The following SPIDR variants were observed in gnomAD, a reference collection of about 807,000 sequenced individuals.
SPIDR encodes DNA repair-scaffolding protein.
A neutral mutation model predicts 104.6 loss-of-function variants in SPIDR; 93 were observed. That is an observed-to-expected ratio of 0.89 (90% CI 0.75 to 1.06). SPIDR has a LOEUF of 1.06. Ranked by LOEUF, SPIDR falls within the 50% of genes least tolerant of loss-of-function variation. SPIDR has a pLI of 0.00. For synonymous variants in SPIDR, 431 were observed against 416.9 expected (o/e 1.03, Z -0.41); for missense variants, 1,154 against 1,111.2 (o/e 1.04, Z -0.55).
In SPIDR at chr8:47,274,491, C is replaced by T. The variant is rs993267029; in HGVS notation, c.34-5371C>T. 1.2e-4 allele frequency among the ~76,000 whole-genome samples: 18 copies of T among 152,020 alleles called. No homozygotes were observed. In the South Asian group the frequency reaches 1.7e-3, roughly 14 times the overall value. On this transcript the variant is annotated intron_variant, in intron 1 of 19. Coordinates refer to ENST00000297423, the MANE Select transcript of SPIDR (RefSeq NM_001080394.4). ...GAAGTAAAATTGTAAAGTTCCTGCA[C>T]GTTTTAAAAATATCTTTTATTTTTT...
intron 10 of SPIDR, among the ~76,000 whole-genome samples, chr8:47,601,215 G>C (rs181493729): frequency 6.6e-6 from 1 of 152,350 alleles, no homozygotes; most frequent in African/African-American, 2.4e-5. Context: ...TATGCATTCT[G>C]TGTGATGCAT....
intron 10 of SPIDR, among the ~76,000 whole-genome samples, chr8:47,645,713 C>T (rs775807386): frequency 6.6e-6 from 1 of 151,956 alleles, no homozygotes; most frequent in Non-Finnish European, 1.5e-5. Flanking sequence ...CAAATATATA[C>T]AGGAACTTAG....
chr8:47,638,994 G>A (rs1417650260), intron 10 of SPIDR, among the ~76,000 whole-genome samples: 1 of 152,180 alleles, frequency 6.6e-6, no homozygotes, highest in African/African-American at 2.4e-5. Context: ...TGTGATGATG[G>A]TATTGAAAGA....
chr8:47,559,994 T>C (rs1244145268), intron 8 of SPIDR, among the ~76,000 whole-genome samples: 2 of 152,204 alleles, frequency 1.3e-5, no homozygotes, highest in Non-Finnish European at 2.9e-5. Context: ...CAGACATAGA[T>C]ACCCTAAAAT....
chr8:47,666,068 G>A (rs538073455), intron 10 of SPIDR, among the ~76,000 whole-genome samples: 6 of 152,074 alleles, frequency 3.9e-5, no homozygotes, highest in South Asian at 2.1e-4. Context: ...GTGTTTGAAA[G>A]GTTGATTAAC....
At chr8:47,645,552 T>C (rs918845713) in intron 10 of SPIDR, among the ~76,000 whole-genome samples, 1 of 152,188 alleles carries the variant, frequency 6.6e-6, no homozygotes, top group Non-Finnish European at 1.5e-5. Flanking sequence ...GAAGGAATTA[T>C]CTTCTCTAGT....
intron 10 of SPIDR, among the ~76,000 whole-genome samples, chr8:47,653,692 T>C (rs1442469524): frequency 6.6e-6 from 1 of 152,164 alleles, no homozygotes; most frequent in African/African-American, 2.4e-5. Flanking sequence ...CTCAACTTGG[T>C]GTAACAAACA....
intron 7 of SPIDR, among the ~76,000 whole-genome samples, chr8:47,437,283 C>G (rs1432040056): frequency 7.8e-6 from 1 of 127,480 alleles, no homozygotes; most frequent in East Asian, 2.3e-4. Flanking sequence ...GTGATATTCC[C>G]CTTCCTGTGT....
At chr8:47,421,986 G>A (rs1588502391) in intron 7 of SPIDR, among the ~76,000 whole-genome samples, 1 of 152,214 alleles carries the variant, frequency 6.6e-6, no homozygotes, top group East Asian at 1.9e-4. Flanking sequence ...TCTCAGAGGA[G>A]TACCTGGCTG....
At chr8:47,278,321 A>AT (rs1293830434) in intron 1 of SPIDR, among the ~76,000 whole-genome samples, 3,351 of 137,810 alleles carry the variant, frequency 0.024, 107 homozygotes, top group African/African-American at 0.074. Flanking sequence ...ACACCCAGCT[A>AT]TTTTTTTTTT....
chr8:47,323,841 ACACCTT>A (rs2047212175), intron 5 of SPIDR, among the ~76,000 whole-genome samples: 1 of 152,142 alleles, frequency 6.6e-6, no homozygotes. Flanking sequence ...GAACCCATGG[ACACCTT>A]TATTTACGAA....
chr8:47,329,611 C>A (rs1162410978), intron 5 of SPIDR, among the ~76,000 whole-genome samples: 1 of 152,172 alleles, frequency 6.6e-6, no homozygotes, highest in Admixed American at 6.5e-5. Context: ...GCCAGTCACG[C>A]ATAGAAACAT....
rs558915134 is a variant in SPIDR, at chr8:47,537,556, G to A, written c.1098-58255G>A. ...AAAGATCCATGGGGTTTAGAGGGAG[G>A]GAGAGATGAATAGGTGGTGGACAGG... On this transcript the variant is annotated intron_variant, in intron 8 of 19. Transcript: ENST00000297423. 2.4e-4 allele frequency among the ~76,000 whole-genome samples: 36 copies of A among 152,278 alleles called. No individual in the cohort carries two copies. In the South Asian group the frequency reaches 6.0e-3, roughly 25 times the overall value.
At chr8:47,389,699 A>AG (rs2060354014) in intron 5 of SPIDR, among the ~76,000 whole-genome samples, 1 of 151,460 alleles carries the variant, frequency 6.6e-6, no homozygotes, top group Non-Finnish European at 1.5e-5. Context: ...AAAAAAAAAA[A>AG]AAAAAAAAAA....
chr8:47,327,559 C>G (rs1401508849), intron 5 of SPIDR, among the ~76,000 whole-genome samples: 2 of 152,058 alleles, frequency 1.3e-5, no homozygotes, highest in Non-Finnish European at 2.9e-5. Flanking sequence ...CACCAGCACA[C>G]TTGGCTAATT....
At chr8:47,335,097 C>G (rs1342175218) in intron 5 of SPIDR, among the ~76,000 whole-genome samples, 1 of 152,120 alleles carries the variant, frequency 6.6e-6, no homozygotes, top group Non-Finnish European at 1.5e-5. Context: ...CATATAAGAG[C>G]ATACATAATT....
chr8:47,405,281 C>T (rs2062573829), intron 6 of SPIDR, among the ~76,000 whole-genome samples: 1 of 147,758 alleles, frequency 6.8e-6, no homozygotes, highest in African/African-American at 2.6e-5. Context: ...TGCAGCACAC[C>T]AACATGGCAC....
intron 5 of SPIDR, among the ~76,000 whole-genome samples, chr8:47,307,701 G>GCTAATTTTT (rs1383693675): frequency 3.3e-5 from 5 of 151,864 alleles, no homozygotes; most frequent in Non-Finnish European, 7.4e-5. Context: ...ACCATGCCCG[G>GCTAATTTTT]CTAATTTTTG....
intron 8 of SPIDR, among the ~76,000 whole-genome samples, chr8:47,539,808 G>C (rs958387069): frequency 2.6e-5 from 4 of 151,774 alleles, no homozygotes; most frequent in African/African-American, 9.7e-5. Context: ...AGTGCTTGTT[G>C]TGAGACCTGC....
Sources: allele counts gnomAD v4.1 joint callset (sites outside exome capture counted in the v4.1 genomes callset), GRCh38; gene constraint gnomAD v4.1.1; transcripts MANE v1.5; gene names NCBI Gene and HGNC (gene_info 2026-07-23, HGNC 2026-07-21).